IFT52: variants seen among roughly 807,000 people sequenced by gnomAD.
IFT52 encodes the protein intraflagellar transport protein 52 homolog.
IFT52 carries 44 observed loss-of-function variants against 54.4 expected under a neutral mutation model. The observed-to-expected ratio is 0.81, with a 90% CI of 0.63 to 1.04. IFT52 has a LOEUF of 1.04. IFT52 is among the 50% of genes least tolerant of loss of function. IFT52 has a pLI of 0.00. For missense variants in IFT52, 452 were observed against 523.6 expected (o/e 0.86, Z 1.33); for synonymous variants, 181 against 185.3 (o/e 0.98, Z 0.19).
chr20:43,614,739 A>G lies in IFT52; in HGVS notation c.612+763A>G, dbSNP rs1983727074. ...AAACTATTTTTCCAGTTATTATCCTAGAGACCCCATAGAAATGTGGGCACA... is the reference window on the plus strand; with the variant it reads ...AAACTATTTTTCCAGTTATTATCCTGGAGACCCCATAGAAATGTGGGCACA... On this transcript the variant is annotated intron_variant, in intron 7 of 13. Transcript: ENST00000373030. Among the ~76,000 whole-genome samples, 2 of 152,120 alleles carry G rather than the reference A, an allele frequency of 1.3e-5. 1 individual carries two copies.
At chr20:43,642,191 C>T (rs528305392) in intron 12 of IFT52, 4 of 283,508 alleles carry the variant, frequency 1.4e-5, no homozygotes, top group East Asian at 6.8e-5. Flanking sequence ...TGATTTCCTA[C>T]TGTTGCACCT....
Position 43,596,497 on chromosome 20 carries a change from C to G in IFT52, c.182C>G (p.Pro61Arg), listed in dbSNP as rs1395598841. 8 of 1,605,498 alleles carry G rather than the reference C, an allele frequency of 5.0e-6. No homozygotes were observed. Among genetic ancestry groups the G allele is most frequent in the Non-Finnish European group, 6.8e-6 (8 of 1,173,298 alleles). Reference protein sequence around the residue: ...NGVKLWITAGPREKFTAAEFE... With the variant: ...NGVKLWITAGRREKFTAAEFE... ...GTGAAACTGTGGATTACAGCTGGGC[C>G]AAGGGAAAAATTTACTGCAGCTGAG... Residue 61 changes from proline to arginine, a missense_variant, in exon 3 of 14, where the codon CCA becomes CGA. Coordinates refer to ENST00000373030, the MANE Select transcript of IFT52 (RefSeq NM_016004.5).
chr20:43,595,037 C>T (rs1391196150), intron 2 of IFT52, among the ~76,000 whole-genome samples: 1 of 151,590 alleles, frequency 6.6e-6, no homozygotes, highest in Non-Finnish European at 1.5e-5. Flanking sequence ...TCAAGACTGG[C>T]CGGCACGGTG....
chr20:43,597,903 A>C (rs949775227), intron 3 of IFT52, among the ~76,000 whole-genome samples: 2 of 151,318 alleles, frequency 1.3e-5, no homozygotes, highest in Non-Finnish European at 1.5e-5. Flanking sequence ...AAAAAAAAAA[A>C]AAAAAAAACT....
chr20:43,605,826 G>T (rs1485013065), intron 6 of IFT52, among the ~76,000 whole-genome samples: 1 of 152,134 alleles, frequency 6.6e-6, no homozygotes, highest in East Asian at 1.9e-4. Context: ...AGATGTAATT[G>T]CCCAAATGCA....
At chr20:43,614,480 G>A (rs565538427) in intron 7 of IFT52, among the ~76,000 whole-genome samples, 69 of 151,462 alleles carry the variant, frequency 4.6e-4, no homozygotes, top group African/African-American at 1.6e-3. Context: ...CCTGCCTCGT[G>A]GTCCACCCGC....
At chr20:43,632,217 G>A (rs531011117) in intron 10 of IFT52, among the ~76,000 whole-genome samples, 41 of 146,698 alleles carry the variant, frequency 2.8e-4, no homozygotes, top group African/African-American at 6.8e-4. Flanking sequence ...GAGCCACTGC[G>A]CCCAGCCTAT....
chr20:43,622,779 TATAA>T lies in IFT52; in HGVS notation c.769-1108_769-1105del, dbSNP rs1487049459. Among the ~76,000 whole-genome samples the T allele has an allele frequency of 1.8e-4, 23 of 128,590 alleles. 2 individuals are homozygous for T. The highest frequency in any genetic ancestry group is 3.6e-4 in the Non-Finnish European group (22 of 61,096). The allele number at this position is 128,590 out of a possible 152,430, so 84.4% of individuals were successfully genotyped here. A position where few individuals can be genotyped will look rare whatever the true frequency, so the allele number is the denominator to read the frequency against. On this transcript the variant is annotated intron_variant, in intron 9 of 13. Transcript: ENST00000373030. ...TAAATATATACAAATTGTGTGTAAA[TATAA>T]ATATATACATATTTTTATATGTAAA... is the stretch of plus-strand genomic sequence containing the variant.
chr20:43,631,448 A>G (rs1411592371), intron 10 of IFT52, among the ~76,000 whole-genome samples: 1 of 152,178 alleles, frequency 6.6e-6, no homozygotes, highest in Non-Finnish European at 1.5e-5. Flanking sequence ...CACAGACCTC[A>G]CTCATAGAAA....
intron 10 of IFT52, among the ~76,000 whole-genome samples, chr20:43,627,298 GA>G (rs1359028861): frequency 2.0e-5 from 3 of 152,220 alleles, no homozygotes; most frequent in African/African-American, 7.2e-5. Context: ...TGTCAAGATG[GA>G]AAGGGTAATC....
intron 3 of IFT52, among the ~76,000 whole-genome samples, chr20:43,599,674 C>T (rs1234846837): frequency 6.6e-6 from 1 of 152,092 alleles, no homozygotes; most frequent in Admixed American, 6.6e-5. Context: ...CTGTGTGATG[C>T]CTTTTTCATG....
intron 6 of IFT52, among the ~76,000 whole-genome samples, chr20:43,613,493 G>A (rs1166832894): frequency 1.3e-5 from 2 of 152,210 alleles, no homozygotes; most frequent in African/African-American, 4.8e-5. Context: ...ATCAAAGAGT[G>A]TTACTCAGCT....
At chr20:43,618,865 A>T (rs1341988863) in intron 7 of IFT52, 75 bp from the exon 8 acceptor site, 3 of 916,324 alleles carry the variant, frequency 3.3e-6, no homozygotes, top group East Asian at 4.9e-5. Flanking sequence ...CATGATTCTA[A>T]TAAGTGTCTG....
At chr20:43,598,119 G>T (rs1341510097) in intron 3 of IFT52, among the ~76,000 whole-genome samples, 2 of 152,116 alleles carry the variant, frequency 1.3e-5, no homozygotes, top group Admixed American at 6.6e-5. Context: ...AAATAGGAAG[G>T]TAATTCTGAT....
At position 43,621,282 on chromosome 20, in the gene IFT52, A is replaced by AT. The variant is rs529210821; in HGVS notation, c.768+358dup. Among the ~76,000 whole-genome samples the AT allele has an allele frequency of 1.5e-4, 23 of 152,326 alleles. No individual in the cohort carries two copies. The South Asian group carries it at 4.1e-3, about 27-fold the overall frequency. On this transcript the variant is annotated intron_variant, in intron 9 of 13. Transcript: ENST00000373030. ...AAAGAAACAAAGAGTATCAGAATTTATGTTGTAAACTATAATTTTGTTGCC... is the reference window on the plus strand; with the variant it reads ...AAAGAAACAAAGAGTATCAGAATTTATTGTTGTAAACTATAATTTTGTTGCC...
In IFT52 at chr20:43,645,320, G is replaced by T. The variant is rs1417020847; in HGVS notation, c.1267-1616G>T. ...TGTAATTAATCCCAGCACTTTGGGA[G>T]GCCAAGGCAGGTGGATCACGAGGTC... On this transcript the variant is annotated intron_variant, in intron 13 of 13. Coordinates refer to ENST00000373030, the MANE Select transcript of IFT52 (RefSeq NM_016004.5). 5.2e-5 allele frequency among the ~76,000 whole-genome samples: 3 copies of T among 58,204 alleles called. 1 individual carries two copies. Among genetic ancestry groups the T allele is most frequent in the Non-Finnish European group, 1.2e-4 (3 of 24,350 alleles). The allele number at this position is 58,204 out of a possible 152,430, so 38.2% of individuals were successfully genotyped here.
chr20:43,614,005 A>C, intron 7 of IFT52, 29 bp downstream of exon 7: 1 of 1,568,322 alleles, frequency 6.4e-7, no homozygotes, highest in Non-Finnish European at 8.7e-7. Flanking sequence ...ATGGGTATAG[A>C]TGTTATTTTT....
chr20:43,600,256 C>T (rs1003502633), intron 3 of IFT52, among the ~76,000 whole-genome samples: 10 of 151,178 alleles, frequency 6.6e-5, no homozygotes, highest in Admixed American at 4.0e-4. Flanking sequence ...GTGTTGCTGT[C>T]GGTGATGTGA....
intron 12 of IFT52, among the ~76,000 whole-genome samples, chr20:43,637,862 G>T (rs1298461703): frequency 1.3e-5 from 2 of 152,102 alleles, no homozygotes; most frequent in Non-Finnish European, 2.9e-5. Context: ...CTTGACCCTG[G>T]CTGCCACTTA....
Sources: allele counts gnomAD v4.1 joint callset (sites outside exome capture counted in the v4.1 genomes callset), GRCh38; gene constraint gnomAD v4.1.1; transcripts MANE v1.5; gene names NCBI Gene and HGNC (gene_info 2026-07-23, HGNC 2026-07-21).